The following ARHGEF1 variants were observed in gnomAD, a reference collection of about 807,000 sequenced individuals.
The protein encoded by ARHGEF1 is 115 kDa guanine nucleotide exchange factor.
In ARHGEF1, 40 loss-of-function variants were observed where a neutral mutation model predicts 119.7. That is an observed-to-expected ratio of 0.33 (90% CI 0.26 to 0.44). ARHGEF1 has a LOEUF of 0.44. ARHGEF1 is among the 20% of genes least tolerant of loss of function. The pLI is 1.00. For missense variants in ARHGEF1, 976 were observed against 1,268.3 expected, an observed-to-expected ratio of 0.77 and a Z score of 3.50; for synonymous variants, 494 against 521.0, an observed-to-expected ratio of 0.95 and a Z score of 0.71.
In ARHGEF1 at chr19:41,906,582, A is replaced by C; in HGVS notation, c.2617A>C (p.Asn873His). 1 of 1,604,604 alleles carries C rather than the reference A, an allele frequency of 6.2e-7. No homozygotes were observed. Among genetic ancestry groups the C allele is most frequent in the African/African-American group, 1.3e-5 (1 of 74,326 alleles). The change falls in exon 27 of 29, where the codon AAC (asparagine) becomes CAC (histidine). Residue 873 changes from asparagine (N) to histidine (H), a missense_variant. Asn to His is a moderately conservative substitution (Grantham distance 68). This residue lies in a region of ARHGEF1 where 171 missense variants were observed against 180.6 expected (regional missense o/e 0.95). Transcript: ENST00000354532. The surrounding 1 kb of genome is among the most constrained non-coding windows in gnomAD (Gnocchi z 4.5). Reference sequence around the variant, plus strand: ...AGCACGGACCCAGGAAATCCAGGAGAACCTGCTCAGCTTGGAGGAGACCAT... The same window carrying C: ...AGCACGGACCCAGGAAATCCAGGAGCACCTGCTCAGCTTGGAGGAGACCAT... The part of the protein sequence containing the change: ...SPARTQEIQE[N>H]LLSLEETMKQ...
In ARHGEF1 at chr19:41,888,376, A is replaced by G; in HGVS notation, c.111+98A>G. On this transcript the variant is annotated intron_variant, in intron 3 of 28. Coordinates refer to ENST00000354532, the MANE Select transcript of ARHGEF1 (RefSeq NM_004706.4). The surrounding 1 kb of genome is among the most constrained non-coding windows in gnomAD (Gnocchi z 5.1). ...GATGCTGTCTTCTTGGCCTTTTCCCACGGTCTGTCTCATCCTCTCATCTCC... is the reference window on the plus strand; with the variant it reads ...GATGCTGTCTTCTTGGCCTTTTCCCGCGGTCTGTCTCATCCTCTCATCTCC... The G allele has an allele frequency of 8.0e-7, 1 of 1,247,258 alleles. No homozygotes were observed. Among genetic ancestry groups the G allele is most frequent in the Non-Finnish European group, 1.1e-6 (1 of 877,378 alleles). The allele number at this position is 1,247,258 out of a possible 1,614,324, so 77.3% of individuals were successfully genotyped here. A position where few individuals can be genotyped will look rare whatever the true frequency, so the allele number is the denominator to read the frequency against.
At position 41,898,953 on chromosome 19, in the gene ARHGEF1, T is replaced by C. The variant is rs557455888; in HGVS notation, c.1267+366T>C. Among the ~76,000 whole-genome samples the C allele has an allele frequency of 1.4e-4, 21 of 152,348 alleles. No homozygotes were observed. The South Asian group carries it at 3.7e-3, about 27-fold the overall frequency. ...GATGATTTGTGTGAAATGTTTAGCA[T>C]AGTGCTGGGCACAGAGGAAGAGCAT... On this transcript the variant is annotated intron_variant, in intron 14 of 28. Transcript: ENST00000354532.
chr19:41,920,826 C>T (rs1289481394), upstream of ARHGEF1, among the ~76,000 whole-genome samples: 5 of 152,232 alleles, frequency 3.3e-5, no homozygotes, highest in African/African-American at 7.2e-5. Context: ...CTGCTACCCT[C>T]GCTTGAGAGG....
chr19:41,912,134 C>A (rs554984043), downstream of ARHGEF1, among the ~76,000 whole-genome samples: 1 of 152,178 alleles, frequency 6.6e-6, no homozygotes, highest in East Asian at 1.9e-4. Flanking sequence ...ACGCCCAGCC[C>A]AGAGACACTC....
At chr19:41,928,855 C>A in exon 2 of ARHGEF1, 1 of 453,470 alleles carries the variant, frequency 2.2e-6, no homozygotes, top group Non-Finnish European at 4.4e-6. Context: ...AACGGACAGG[C>A]GCGAGGTGGA....
chr19:41,922,843 C>T (rs569667316), upstream of ARHGEF1, among the ~76,000 whole-genome samples: 3 of 152,338 alleles, frequency 2.0e-5, no homozygotes, highest in South Asian at 2.1e-4. Flanking sequence ...TCCTGGCCCG[C>T]GCACTGCCGC....
intron 13 of ARHGEF1, chr19:41,897,067 T>C: frequency 2.4e-6 from 1 of 421,802 alleles, no homozygotes; most frequent in East Asian, 7.6e-5. Context: ...CTTCCTCCCC[T>C]TCTCTTTCAA....
In ARHGEF1 at chr19:41,902,115, G is replaced by C. The variant is rs1284136258; in HGVS notation, c.1414+82G>C. On this transcript the variant is annotated intron_variant, in intron 15 of 28. Transcript: ENST00000354532. The surrounding 1 kb of genome is among the most constrained non-coding windows in gnomAD (Gnocchi z 6.5). Reference sequence around the variant, plus strand: ...TCTAGCCCTGGGTTCAACCTGCTCGGGAACCCCAGGGTTCACATGGGGTGG... The same window carrying C: ...TCTAGCCCTGGGTTCAACCTGCTCGCGAACCCCAGGGTTCACATGGGGTGG... 9 of 1,578,846 alleles carry C rather than the reference G, an allele frequency of 5.7e-6. No homozygotes were observed. Among genetic ancestry groups the C allele is most frequent in the Non-Finnish European group, 7.8e-6 (9 of 1,158,784 alleles).
In ARHGEF1 at chr19:41,907,097, T is replaced by A. The variant is rs760324988; in HGVS notation, c.*18-8T>A. 2.0e-6 allele frequency: 3 copies of A among 1,500,834 alleles called. No individual in the cohort carries two copies. In the South Asian group the frequency reaches 3.9e-5, roughly 19 times the overall value. The allele number at this position is 1,500,834 out of a possible 1,614,324, so 93.0% of individuals were successfully genotyped here. ...TCCCCGTCTCCCCTCTTCTCCTACATCCCCCAGGCCTTTTGCAAGAAGGAG... is the reference window on the plus strand; with the variant it reads ...TCCCCGTCTCCCCTCTTCTCCTACAACCCCCAGGCCTTTTGCAAGAAGGAG... On this transcript the variant is annotated splice_polypyrimidine_tract_variant and splice_region_variant and intron_variant, in intron 28 of 28. Coordinates refer to ENST00000354532, the MANE Select transcript of ARHGEF1 (RefSeq NM_004706.4).
Position 41,894,224 on chromosome 19 carries a change from C to T in ARHGEF1, c.662C>T (p.Ala221Val). 1 of 1,545,246 alleles carries T rather than the reference C, an allele frequency of 6.5e-7. No homozygotes were observed. The highest frequency in any genetic ancestry group is 8.7e-7 in the Non-Finnish European group (1 of 1,143,648). The change falls in exon 9 of 29, where the codon GCC (alanine) becomes GTC (valine). Residue 221 changes from alanine (A) to valine (V), a missense_variant. This residue lies in a region of ARHGEF1 where 519 missense variants were observed against 580.9 expected (regional missense o/e 0.89). Transcript: ENST00000354532. ...CCCTACAGTGCTGCCGTGGTCAACG[C>T]CATTGGCCTGTACATGCGCCACCTT... ...DEEKSAAVVN[A>V]IGLYMRHLGV...
At chr19:41,886,242 A>G (rs967514798) in intron 1 of ARHGEF1, among the ~76,000 whole-genome samples, 1 of 152,044 alleles carries the variant, frequency 6.6e-6, no homozygotes, top group East Asian at 1.9e-4. Context: ...GGCACATACT[A>G]AGTGTCTCTT....
In ARHGEF1 at chr19:41,917,366, T is replaced by A. The variant is rs1048195055; in HGVS notation, c.1866-5726T>A. ...CTAACGCCCCATCACCACGCCCCCC[T>A]GGGCTGGGGTTTAACCAGTTGTTTT... On this transcript the variant is annotated intron_variant, in intron 18 of 20. Coordinates refer to the ARHGEF1 transcript ENST00000599589. The surrounding 1 kb of genome is among the most constrained non-coding windows in gnomAD (Gnocchi z 4.8). Among the ~76,000 whole-genome samples, 1 of 151,752 alleles carries A rather than the reference T, an allele frequency of 6.6e-6. No homozygotes were observed. The highest frequency in any genetic ancestry group is 1.5e-5 in the Non-Finnish European group (1 of 67,960).
At chr19:41,910,085 G>T, downstream of ARHGEF1, 1 of 1,612,738 alleles carries the variant, frequency 6.2e-7, no homozygotes, top group Non-Finnish European at 8.5e-7. The surrounding 1 kb of genome is among the most constrained non-coding windows in gnomAD (Gnocchi z 4.4). Context: ...GGCCCAATCC[G>T]GGAAGGCAAA....
At position 41,888,200 on chromosome 19, in the gene ARHGEF1, A is replaced by G. The variant is rs782752530; in HGVS notation, c.33A>G (p.Pro11=). The change falls in exon 3 of 29, where the codon CCA becomes CCG. Residue 11 remains proline (P), a synonymous_variant. Transcript: ENST00000354532. The surrounding 1 kb of genome is among the most constrained non-coding windows in gnomAD (Gnocchi z 5.1). MEDFARGAAS[P]GPSRPGLVPV... ...GCCCTCCCTTTCCACAGGCCTCCCC[A>G]GGCCCCTCCCGGCCTGGCCTGGTTC... is the stretch of plus-strand genomic sequence containing the variant. The G allele has an allele frequency of 1.2e-6, 2 of 1,614,138 alleles. No individual in the cohort carries two copies. Among genetic ancestry groups the G allele is most frequent in the South Asian group, 2.2e-5 (2 of 91,090 alleles).
chr19:41,885,243 C>T (rs1322367741), intron 1 of ARHGEF1, among the ~76,000 whole-genome samples: 2 of 152,192 alleles, frequency 1.3e-5, no homozygotes, highest in East Asian at 1.9e-4. Context: ...CGACACTCCT[C>T]GCCTCCATCA....
Position 41,917,221 on chromosome 19 carries a change from C to T in ARHGEF1, c.1866-5871C>T, listed in dbSNP as rs2074806782. Among the ~76,000 whole-genome samples, 1 of 152,084 alleles carries T rather than the reference C, an allele frequency of 6.6e-6. No homozygotes were observed. Among genetic ancestry groups the T allele is most frequent in the Admixed American group, 6.5e-5 (1 of 15,274 alleles). ...TTGGCCTGCCTGTCTTTCTAAATAT[C>T]TCCATCTCTGAGTGTCTCTGTTTCC... On this transcript the variant is annotated intron_variant, in intron 18 of 20. Transcript: ENST00000599589. This position sits in a 1 kb window ranked among gnomAD's most constrained non-coding sequence, Gnocchi z 4.8.
intron 1 of ARHGEF1, chr19:41,923,308 A>G: frequency 2.6e-6 from 1 of 387,520 alleles, no homozygotes; most frequent in Non-Finnish European, 5.2e-6. Context: ...AAAAGGAGGA[A>G]AGAGACAAGA....
At chr19:41,926,791 G>A (rs566075554) in intron 1 of ARHGEF1, among the ~76,000 whole-genome samples, 6 of 152,186 alleles carry the variant, frequency 3.9e-5, no homozygotes, top group Admixed American at 1.3e-4. Context: ...CAGAGCGACC[G>A]ATCGATTCGC....
intron 13 of ARHGEF1, chr19:41,897,223 T>C: frequency 1.6e-6 from 2 of 1,235,740 alleles, no homozygotes; most frequent in African/African-American, 1.6e-5. Context: ...CCCGTCCTTG[T>C]GCCGCTGCTT....
Sources: allele counts gnomAD v4.1 joint callset (sites outside exome capture counted in the v4.1 genomes callset), GRCh38; gene constraint gnomAD v4.1.1; regional missense constraint gnomAD v4.1.1; non-coding constraint Gnocchi (gnomAD v3.1); transcripts MANE v1.5; gene names NCBI Gene and HGNC (gene_info 2026-07-23, HGNC 2026-07-21).